OPCML: variants seen among roughly 807,000 people sequenced by gnomAD.
OPCML encodes the protein opioid-binding protein/cell adhesion molecule.
OPCML carries 13 observed loss-of-function variants against 37.8 expected under a neutral mutation model. The ratio of observed to expected loss-of-function variants is 0.34; its 90% confidence interval spans 0.22 to 0.55. The LOEUF (loss-of-function observed/expected upper bound fraction) is 0.55, where lower values mean the gene tolerates loss of function less well. Among genes scored for constraint, OPCML ranks in the 20% least tolerant of loss-of-function variants. The pLI is 0.91. For missense variants in OPCML, 341 were observed against 435.6 expected (o/e 0.78, Z 1.93); for synonymous variants, 176 against 168.8 (o/e 1.04, Z -0.33).
chr11:132,999,372 C>G (rs1399434600), intron 1 of OPCML, among the ~76,000 whole-genome samples: 2 of 151,898 alleles, frequency 1.3e-5, no homozygotes, highest in Non-Finnish European at 2.9e-5. Flanking sequence ...ATTTCCAATT[C>G]TTTCCAGATG....
At chr11:133,358,997 G>A (rs1422684607) in intron 1 of OPCML, among the ~76,000 whole-genome samples, 1 of 151,966 alleles carries the variant, frequency 6.6e-6, no homozygotes, top group Non-Finnish European at 1.5e-5. Context: ...GATGATTTGG[G>A]GGAGGGGGCC....
intron 1 of OPCML, among the ~76,000 whole-genome samples, chr11:133,111,694 T>C (rs962011671): frequency 1.3e-5 from 2 of 152,216 alleles, no homozygotes; most frequent in African/African-American, 2.4e-5. Context: ...TTTCCTTTCC[T>C]AAGCAGACTG....
At chr11:132,697,131 T>G (rs935398883) in intron 2 of OPCML, among the ~76,000 whole-genome samples, 4 of 152,184 alleles carry the variant, frequency 2.6e-5, no homozygotes, top group Non-Finnish European at 5.9e-5. Flanking sequence ...AATTTCCCCG[T>G]TTCATTGAGG....
intron 3 of OPCML, among the ~76,000 whole-genome samples, chr11:132,565,760 C>T (rs1315611399): frequency 6.6e-6 from 1 of 152,188 alleles, no homozygotes; most frequent in African/African-American, 2.4e-5. Flanking sequence ...TGACTGGGCA[C>T]GGTGGCTCAA....
At chr11:132,618,397 G>A (rs1212911382) in intron 3 of OPCML, among the ~76,000 whole-genome samples, 1 of 152,052 alleles carries the variant, frequency 6.6e-6, no homozygotes, top group African/African-American at 2.4e-5. Context: ...CAGCTACTCA[G>A]GAGGCTCTGG....
intron 1 of OPCML, among the ~76,000 whole-genome samples, chr11:133,312,032 G>A (rs912859847): frequency 2.6e-5 from 4 of 152,068 alleles, no homozygotes; most frequent in African/African-American, 4.8e-5. Flanking sequence ...CTGGCAAATC[G>A]ACCTCTGTCC....
chr11:132,885,442 C>T (rs1943372631), intron 2 of OPCML, among the ~76,000 whole-genome samples: 1 of 152,156 alleles, frequency 6.6e-6, no homozygotes, highest in Admixed American at 6.5e-5. Flanking sequence ...AGAAAGAAAA[C>T]ACGATTCATT....
chr11:132,570,804 T>TATAGAGAGAGAGAGAGAGAGAGAGAG (rs2096436416), intron 3 of OPCML, among the ~76,000 whole-genome samples: 2 of 90,762 alleles, frequency 2.2e-5, no homozygotes, highest in African/African-American at 9.9e-5. Context: ...TATATATATT[T>TATAGAGAGAGAGAGAGAGAGAGAGAG]AGAGAGAGAG....
chr11:132,765,663 A>G (rs191729894), intron 2 of OPCML, among the ~76,000 whole-genome samples: 2 of 152,312 alleles, frequency 1.3e-5, no homozygotes, highest in Admixed American at 1.3e-4. Context: ...TTTTTCATCA[A>G]TGAGGAATAT....
chr11:132,645,766 A>C lies in OPCML; in HGVS notation c.379+11321T>G, dbSNP rs191315974. On this transcript the variant is annotated intron_variant, in intron 3 of 7. Coordinates refer to ENST00000524381, the MANE Select transcript of OPCML (RefSeq NM_001012393.5). ...TCTATTTCAAATTAAATTAATTAAA[A>C]TTAAATAAAACTAAAGACTTGGCTT... is the stretch of plus-strand genomic sequence containing the variant. 2.1e-3 allele frequency among the ~76,000 whole-genome samples: 319 copies of C among 152,378 alleles called. 2 individuals are homozygous for C. Among genetic ancestry groups the C allele is most frequent in the Middle Eastern group, 3.4e-3 (1 of 294 alleles).
chr11:132,982,514 CAAAA>C (rs71696344), intron 1 of OPCML, among the ~76,000 whole-genome samples: 81 of 134,990 alleles, frequency 6.0e-4, no homozygotes, highest in South Asian at 5.9e-3. Context: ...AGGCTTAGAG[CAAAA>C]AAAAAAAAAA....
intron 3 of OPCML, among the ~76,000 whole-genome samples, chr11:132,587,781 T>C (rs1337822834): frequency 6.6e-6 from 1 of 152,166 alleles, no homozygotes; most frequent in Non-Finnish European, 1.5e-5. Flanking sequence ...AAATTGCAGC[T>C]GAGGTGTCAA....
intron 2 of OPCML, among the ~76,000 whole-genome samples, chr11:132,696,386 T>C (rs999708287): frequency 2.6e-5 from 4 of 152,086 alleles, no homozygotes. Context: ...AACTAGTAAA[T>C]TTTTTAGAAG....
At chr11:133,249,009 T>C (rs547410322) in intron 1 of OPCML, among the ~76,000 whole-genome samples, 132 of 152,338 alleles carry the variant, frequency 8.7e-4, no homozygotes, top group African/African-American at 3.1e-3. Flanking sequence ...TCTAGAGCTG[T>C]TGCCGGTATA....
At chr11:133,487,405 T>G (rs1327994388) in intron 1 of OPCML, among the ~76,000 whole-genome samples, 1 of 152,170 alleles carries the variant, frequency 6.6e-6, no homozygotes, top group Non-Finnish European at 1.5e-5. Flanking sequence ...TTCTCTCAAA[T>G]TTGTCCTTAG....
intron 1 of OPCML, among the ~76,000 whole-genome samples, chr11:133,493,259 C>T (rs1947705464): frequency 1.3e-5 from 2 of 152,222 alleles, no homozygotes; most frequent in South Asian, 4.1e-4. Context: ...CCTTGCACGC[C>T]GGGCAGGCCT....
At chr11:132,791,104 C>T (rs1033124976) in intron 2 of OPCML, among the ~76,000 whole-genome samples, 1 of 152,166 alleles carries the variant, frequency 6.6e-6, no homozygotes, top group Non-Finnish European at 1.5e-5. Context: ...TAGGGAGGAC[C>T]ATGGGAGCCT....
Position 132,663,817 on chromosome 11 carries a change from T to G in OPCML, c.147-6498A>C, listed in dbSNP as rs564809579. 5.3e-4 allele frequency among the ~76,000 whole-genome samples: 80 copies of G among 152,266 alleles called. No homozygotes were observed. The South Asian group carries it at 0.016, about 30-fold the overall frequency. ...TTGCAACCTGGGATTTAATGTTGTTTTTTTTGTTTGTTTTTGTTTTTGTTT... is the reference window on the plus strand; with the variant it reads ...TTGCAACCTGGGATTTAATGTTGTTGTTTTTGTTTGTTTTTGTTTTTGTTT... On this transcript the variant is annotated intron_variant, in intron 2 of 7. Coordinates refer to ENST00000524381, the MANE Select transcript of OPCML (RefSeq NM_001012393.5).
chr11:133,001,394 A>T (rs895654835), intron 1 of OPCML, among the ~76,000 whole-genome samples: 18 of 152,290 alleles, frequency 1.2e-4, no homozygotes, highest in African/African-American at 3.8e-4. Context: ...AGCTAAACTG[A>T]TAGAAGGAAT....
Sources: gnomAD v4.1 joint callset for allele counts (sites outside exome capture counted in the v4.1 genomes callset) on GRCh38, gnomAD v4.1.1 for gene constraint, MANE v1.5 for transcripts, NCBI Gene and HGNC (gene_info 2026-07-23, HGNC 2026-07-21) for gene names.